PM20D2: variants seen among roughly 807,000 people sequenced by gnomAD.
PM20D2 encodes the protein xaa-Arg dipeptidase.
Under a neutral mutation model 42.9 loss-of-function variants are expected in PM20D2, and 33 were observed. The ratio of observed to expected loss-of-function variants is 0.77; its 90% CI spans 0.58 to 1.03. The LOEUF is 1.03. Among genes scored for constraint, PM20D2 ranks in the 50% least tolerant of loss-of-function variants. The pLI is 0.00. For missense variants in PM20D2, 548 were observed against 557.0 expected, an observed-to-expected ratio of 0.98 and a Z score of 0.16; for synonymous variants, 250 against 228.2, an observed-to-expected ratio of 1.10 and a Z score of -0.86.
the PM20D2 span, among the ~76,000 whole-genome samples, chr6:89,129,982 T>C: frequency 6.6e-6 from 1 of 152,102 alleles, no homozygotes; most frequent in African/African-American, 2.4e-5. Flanking sequence ...GCAGTCCTCT[T>C]GCCTTGGTCT....
At chr6:89,158,180 G>C in intron 4 of PM20D2, 145 bp from the exon 5 acceptor site, 1 of 699,522 alleles carries the variant, frequency 1.4e-6, no homozygotes, top group Non-Finnish European at 2.3e-6. Flanking sequence ...CTTTTTTAAG[G>C]TAAGAGATTT....
chr6:89,105,329 T>C, the PM20D2 span: 1 of 1,564,204 alleles, frequency 6.4e-7, no homozygotes. Flanking sequence ...ACCACTCAAC[T>C]AGCAATCATT....
the PM20D2 span, among the ~76,000 whole-genome samples, chr6:89,115,683 CT>C: frequency 6.9e-6 from 1 of 144,856 alleles, no homozygotes; most frequent in African/African-American, 2.6e-5. Context: ...GTCTCCCAGG[CT>C]GGAGTGCAGT....
At chr6:89,157,351 C>T (rs1771083691) in intron 4 of PM20D2, among the ~76,000 whole-genome samples, 1 of 152,188 alleles carries the variant, frequency 6.6e-6, no homozygotes, top group Non-Finnish European at 1.5e-5. Flanking sequence ...AATGTCATCT[C>T]TGCCATTTTA....
the PM20D2 span, among the ~76,000 whole-genome samples, chr6:89,114,359 C>T: frequency 6.6e-6 from 1 of 152,028 alleles, no homozygotes; most frequent in East Asian, 1.9e-4. Flanking sequence ...GCCCAGGAGG[C>T]GGAGGTTGCA....
At chr6:89,130,278 TA>T in the PM20D2 span, among the ~76,000 whole-genome samples, 292 of 152,168 alleles carry the variant, frequency 1.9e-3, no homozygotes, top group South Asian at 0.018. Context: ...TTTATTTCAT[TA>T]GTAGAGATGA....
chr6:89,114,216 T>C, the PM20D2 span, among the ~76,000 whole-genome samples: 1 of 152,152 alleles, frequency 6.6e-6, no homozygotes, highest in African/African-American at 2.4e-5. Context: ...TTACCTGACA[T>C]CAAGAGTTCG....
the PM20D2 span, among the ~76,000 whole-genome samples, chr6:89,113,507 C>G: frequency 6.6e-6 from 1 of 152,108 alleles, no homozygotes; most frequent in African/African-American, 2.4e-5. Flanking sequence ...TGGAGCTTCA[C>G]TATGTTAGCC....
chr6:89,124,733 G>GTTTTTTTTTTTTTT, the PM20D2 span, among the ~76,000 whole-genome samples: 3 of 79,614 alleles, frequency 3.8e-5, no homozygotes, highest in Non-Finnish European at 4.5e-5. Flanking sequence ...TGTTGCTGTT[G>GTTTTTTTTTTTTTT]TTGTTTTTTT....
intron 1 of PM20D2, 121 bp from the exon 2 acceptor site, chr6:89,149,144 A>T: frequency 8.0e-7 from 1 of 1,256,064 alleles, no homozygotes; most frequent in Admixed American, 2.4e-5. Context: ...CATAGAACAA[A>T]ACCTGTCTTA....
At chr6:89,154,925 C>CT (rs1414891033) in intron 4 of PM20D2, 23 bp downstream of exon 4, 4 of 1,548,376 alleles carry the variant, frequency 2.6e-6, no homozygotes, top group Non-Finnish European at 2.6e-6. Context: ...AAAAGTTAAT[C>CT]TAAGTTACAA....
At chr6:89,154,937 C>T (rs1180378765) in intron 4 of PM20D2, 35 bp downstream of exon 4, 3 of 1,530,910 alleles carry the variant, frequency 2.0e-6, no homozygotes, top group Non-Finnish European at 2.6e-6. Flanking sequence ...AAGTTACAAT[C>T]AGAGGTATAT....
chr6:89,151,153 C>CA (rs147104190), intron 2 of PM20D2, among the ~76,000 whole-genome samples: 12 of 128,216 alleles, frequency 9.4e-5, no homozygotes, highest in Non-Finnish European at 1.9e-4. Context: ...AACTCCATCT[C>CA]AAAAAAAAAG....
At chr6:89,149,015 G>A (rs192101575) in intron 1 of PM20D2, among the ~76,000 whole-genome samples, 8 of 152,268 alleles carry the variant, frequency 5.3e-5, no homozygotes, top group South Asian at 2.1e-4. Flanking sequence ...TAGTTGACTT[G>A]TAAAATTGGG....
chr6:89,122,901 A>C, the PM20D2 span, among the ~76,000 whole-genome samples: 1 of 152,212 alleles, frequency 6.6e-6, no homozygotes, highest in East Asian at 1.9e-4. Flanking sequence ...ACATTTTTCT[A>C]TTACCTATGT....
chr6:89,142,650 AATT>A (rs555552169), upstream of PM20D2, among the ~76,000 whole-genome samples: 4 of 151,624 alleles, frequency 2.6e-5, no homozygotes, highest in African/African-American at 4.8e-5. Flanking sequence ...TTTCCCCCAC[AATT>A]ATTATTATTA....
the PM20D2 span, among the ~76,000 whole-genome samples, chr6:89,116,444 A>G: frequency 0.063 from 9,558 of 152,264 alleles, 868 homozygotes; most frequent in African/African-American, 0.2. Flanking sequence ...ATTAACCACA[A>G]CATATAGTTG....
intron 4 of PM20D2, among the ~76,000 whole-genome samples, chr6:89,156,546 T>G (rs1243400556): frequency 5.3e-5 from 8 of 152,224 alleles, no homozygotes; most frequent in Non-Finnish European, 1.0e-4. Context: ...ATTCACGTAG[T>G]AGCAGTATCT....
chr6:89,102,555 C>A, the PM20D2 span, among the ~76,000 whole-genome samples: 20 of 151,478 alleles, frequency 1.3e-4, no homozygotes, highest in East Asian at 3.9e-3. Context: ...CTGTAGGAAG[C>A]AAAATGAAGA....
Sources: gnomAD v4.1 joint callset for allele counts (sites outside exome capture counted in the v4.1 genomes callset) on GRCh38, gnomAD v4.1.1 for gene constraint, MANE v1.5 for transcripts, NCBI Gene and HGNC (gene_info 2026-07-23, HGNC 2026-07-21) for gene names.